The following OBSL1 variants were observed in gnomAD, a reference collection of about 807,000 sequenced individuals.
The protein encoded by OBSL1 is obscurin-like protein 1.
In OBSL1, 160 loss-of-function variants were observed where a neutral mutation model predicts 172.0. The ratio of observed to expected loss-of-function variants is 0.93; its 90% CI spans 0.82 to 1.06. The LOEUF (loss-of-function observed/expected upper bound fraction) is 1.06. Ranked by LOEUF, OBSL1 falls within the 50% of genes least tolerant of loss-of-function variation. The probability of loss-of-function intolerance (pLI) is 0.00; values close to 1 mark genes in which losing one functional copy is unlikely to be tolerated. For synonymous variants in OBSL1, 1,200 were observed against 1,196.3 expected, an observed-to-expected ratio of 1.00 and a Z score of -0.06; for missense variants, 2,681 against 2,715.4, an observed-to-expected ratio of 0.99 and a Z score of 0.28.
intron 7 of OBSL1, 107 bp from the exon 8 acceptor site, chr2:219,562,781 GGACCTTCCTGA>G: frequency 8.0e-7 from 1 of 1,251,010 alleles, no homozygotes; most frequent in South Asian, 1.5e-5. Flanking sequence ...TGTTGAAGAG[GGACCTTCCTGA>G]GACCAAATCT....
rs886246348 is a variant in OBSL1 at position 219,571,303 on chromosome 2, C to T, written c.-71G>A. ...GGGGGTGCGGAGGGCGAGCCGAGGC[C>T]CGGGGCGGCGGGGTCGGGGCGCGGC... On this transcript the variant is annotated 5_prime_UTR_variant, in exon 1 of 21. Transcript: ENST00000404537. 4 of 905,876 alleles carry T rather than the reference C, an allele frequency of 4.4e-6. No individual in the cohort carries two copies. The highest frequency in any genetic ancestry group is 5.8e-6 in the Non-Finnish European group (4 of 690,938). 56.1% of individuals were successfully genotyped at this position (905,876 alleles called of 1,614,324 possible). A position where few individuals can be genotyped will look rare whatever the true frequency, so the allele number is the denominator to read the frequency against.
rs1696018120 is a variant in OBSL1, at chr2:219,556,513, G to A, written c.4277C>T (p.Ala1426Val). ...LTLRGCQLGD[A>V]GTVTLRAGST... ...CCCTGCCCGCAAAGTCACGGTCCCT[G>A]CATCCCCCAGTTGGCAGCCTCGCAA... The change falls in exon 13 of 21, where the codon GCA (alanine) becomes GTA (valine). Residue 1426 changes from alanine (A) to valine (V), a missense_variant. Around this residue, in one of 5 missense-constraint regions of OBSL1, gnomAD observed 1,765 missense variants for 1,748.3 expected, o/e 1.01. Transcript: ENST00000404537. 1 of 1,613,796 alleles carries A rather than the reference G, an allele frequency of 6.2e-7. No individual in the cohort carries two copies. Among genetic ancestry groups the A allele is most frequent in the Admixed American group, 1.7e-5 (1 of 60,006 alleles).
chr2:219,556,326 G>A, intron 13 of OBSL1, 34 bp from the exon 14 acceptor site: 1 of 1,568,940 alleles, frequency 6.4e-7, no homozygotes, highest in East Asian at 2.2e-5. Flanking sequence ...GGAGTCTGGT[G>A]GGGTTGGAGG....
At position 219,556,086 on chromosome 2, in the gene OBSL1, CCAG is replaced by C. The variant is rs751814942; in HGVS notation, c.4540_4542del (p.Leu1514del). 1 of 1,613,894 alleles carries C rather than the reference CCAG, an allele frequency of 6.2e-7. No homozygotes were observed. Among genetic ancestry groups the C allele is most frequent in the Admixed American group, 1.7e-5 (1 of 60,030 alleles). ...TCGCAGCCGTAGGTGCCCTGGTCGGCCAGTATGACACCATGGATGAAGAGGCGG... is the reference window on the plus strand; with the variant it reads ...TCGCAGCCGTAGGTGCCCTGGTCGGCTATGACACCATGGATGAAGAGGCGG... On this transcript the variant is annotated inframe_deletion, in exon 14 of 21. Transcript: ENST00000404537.
chr2:219,551,878 AG>A (rs1695636410), intron 19 of OBSL1, 80 bp from the exon 20 acceptor site: 13 of 950,312 alleles, frequency 1.4e-5, no homozygotes, highest in Middle Eastern at 5.0e-4. Flanking sequence ...CCCTCCCTGA[AG>A]TCTCCACTCC....
At chr2:219,547,654 C>G, downstream of OBSL1, 2 of 1,534,890 alleles carry the variant, frequency 1.3e-6, no homozygotes, top group Non-Finnish European at 1.8e-6. Context: ...TCGGGCTGCT[C>G]TGCGGGCTGG....
chr2:219,555,626 T>C, intron 14 of OBSL1: 1 of 1,026,466 alleles, frequency 9.7e-7, no homozygotes, highest in Non-Finnish European at 1.2e-6. Flanking sequence ...TTAACTTGCA[T>C]GAGGTCACAT....
At position 219,571,134 on chromosome 2, in the gene OBSL1, G is replaced by C. The variant is rs747205623; in HGVS notation, c.99C>G (p.Cys33Trp). 6.7e-7 allele frequency: 1 copy of C among 1,483,954 alleles called. No individual in the cohort carries two copies. The highest frequency in any genetic ancestry group is 1.4e-5 in the African/African-American group (1 of 69,180). The allele number at this position is 1,483,954 out of a possible 1,614,324, so 91.9% of individuals were successfully genotyped here. A position where few individuals can be genotyped will look rare whatever the true frequency, so the allele number is the denominator to read the frequency against. Residue 33 changes from cysteine to tryptophan, a missense_variant, in exon 1 of 21, where the codon TGC becomes TGG. Cys to Trp is a radical substitution (Grantham distance 215). Around this residue, in one of 5 missense-constraint regions of OBSL1, gnomAD observed 90 missense variants for 76.6 expected, o/e 1.18. Coordinates refer to ENST00000404537, the MANE Select transcript of OBSL1 (RefSeq NM_015311.3). ...CAGGCGGCGGCTCCCCCAGGACCACGCACTTGAGCTCGGCCTCGGCGCCAC... is the reference window on the plus strand; with the variant it reads ...CAGGCGGCGGCTCCCCCAGGACCACCCACTTGAGCTCGGCCTCGGCGCCAC... ...VVSGAEAELK[C>W]VVLGEPPPVV...
chr2:219,571,236 GGCGGCCGACCGCCTGC>G lies in OBSL1; in HGVS notation c.-20_-5del. 1 of 1,316,542 alleles carries G rather than the reference GGCGGCCGACCGCCTGC, an allele frequency of 7.6e-7. No individual in the cohort carries two copies. The allele number at this position is 1,316,542 out of a possible 1,614,324, so 81.6% of individuals were successfully genotyped here. A position where few individuals can be genotyped will look rare whatever the true frequency, so the allele number is the denominator to read the frequency against. Reference sequence around the variant, plus strand: ...GATCCCCCGAGCTCGCCTTCATCGCGGCGGCCGACCGCCTGCAGCGGCGAACGGTGGGGGGGCAGGG... The same window carrying G: ...GATCCCCCGAGCTCGCCTTCATCGCGAGCGGCGAACGGTGGGGGGGCAGGG... On this transcript the variant is annotated 5_prime_UTR_variant, in exon 1 of 21. Transcript: ENST00000404537.
chr2:219,548,117 G>A, downstream of OBSL1: 4 of 1,477,380 alleles, frequency 2.7e-6, no homozygotes, highest in South Asian at 5.4e-5. Flanking sequence ...CATGAGAGGA[G>A]TGGGTGGCCA....
downstream of OBSL1, chr2:219,549,003 C>A: frequency 2.5e-6 from 2 of 786,166 alleles, no homozygotes; most frequent in South Asian, 1.7e-5. Context: ...AGGTAGGAGA[C>A]CAGGAAAGGA....
intron 9 of OBSL1, 139 bp from the exon 10 acceptor site, chr2:219,558,598 G>C (rs1218832061): frequency 2.9e-6 from 3 of 1,052,524 alleles, no homozygotes; most frequent in Non-Finnish European, 4.0e-6. Context: ...AGCAGCTGCT[G>C]TGTGCCAGGC....
chr2:219,567,227 G>C, intron 4 of OBSL1, 46 bp downstream of exon 4: 1 of 1,564,644 alleles, frequency 6.4e-7, no homozygotes, highest in Non-Finnish European at 8.7e-7. Flanking sequence ...CTGAGGGCTG[G>C]GGAAGGGAGG....
rs1695732706 is a variant in OBSL1, at chr2:219,552,815, C to T, written c.5146+53G>A. ...CATCAGGGTCCGGGGAAGACAGCTCCGCAAGTCTCGCGCCCAAAGCAGTGC... is the reference window on the plus strand; with the variant it reads ...CATCAGGGTCCGGGGAAGACAGCTCTGCAAGTCTCGCGCCCAAAGCAGTGC... On this transcript the variant is annotated intron_variant, in intron 17 of 20. Coordinates refer to ENST00000404537, the MANE Select transcript of OBSL1 (RefSeq NM_015311.3). 2.6e-6 allele frequency: 4 copies of T among 1,534,370 alleles called. No individual in the cohort carries two copies. The African/African-American group carries it at 4.2e-5, about 16-fold the overall frequency.
intron 8 of OBSL1, chr2:219,561,991 C>G: frequency 1.4e-6 from 1 of 717,608 alleles, no homozygotes; most frequent in Non-Finnish European, 2.6e-6. Context: ...TTTGAACTGT[C>G]CTGACTTTGG....
At chr2:219,557,032 T>G in intron 12 of OBSL1, 1 of 478,482 alleles carries the variant, frequency 2.1e-6, no homozygotes, top group Non-Finnish European at 3.6e-6. Context: ...CTATCCCCTC[T>G]TTTCAGAGCC....
Position 219,550,802 on chromosome 2 carries a change from C to T in OBSL1, c.*33G>A, listed in dbSNP as rs1370630768. The T allele has an allele frequency of 1.9e-6, 3 of 1,608,488 alleles. No homozygotes were observed. Among genetic ancestry groups the T allele is most frequent in the East Asian group, 4.5e-5 (2 of 44,712 alleles). Reference sequence around the variant, plus strand: ...TAAGGGCAAACGCCTTCCAAGCTGTCCAAGGGCACCCGCCTGGCCTGGTTA... The same window carrying T: ...TAAGGGCAAACGCCTTCCAAGCTGTTCAAGGGCACCCGCCTGGCCTGGTTA... On this transcript the variant is annotated 3_prime_UTR_variant, in exon 21 of 21. Transcript: ENST00000404537.
In OBSL1 at chr2:219,552,545, G is replaced by C; in HGVS notation, c.5299C>G (p.Arg1767Gly). Residue 1767 changes from arginine (R) to glycine (G), a missense_variant, in exon 18 of 21, where the codon CGA (arginine) becomes GGA (glycine). Arg to Gly is a moderately radical substitution (Grantham distance 125). This residue lies in a region of OBSL1 where 1,765 missense variants were observed against 1,748.3 expected (regional missense o/e 1.01). Transcript: ENST00000404537. ...PLRPGARVRIRQEGKKHILVL... is the reference protein window; with the variant it reads ...PLRPGARVRIGQEGKKHILVL... ...AACCAGGCGGGCAGACCTTCCTGTCGGATGCGGACGCGGGCTCCGGGTCTC... is the reference window on the plus strand; with the variant it reads ...AACCAGGCGGGCAGACCTTCCTGTCCGATGCGGACGCGGGCTCCGGGTCTC... 6.3e-7 allele frequency: 1 copy of C among 1,596,382 alleles called. No individual in the cohort carries two copies. The highest frequency in any genetic ancestry group is 1.1e-5 in the South Asian group (1 of 90,278).
At chr2:219,553,774 C>A (rs1292604960) in intron 15 of OBSL1, 88 bp from the exon 16 acceptor site, 2 of 862,730 alleles carry the variant, frequency 2.3e-6, no homozygotes, top group Non-Finnish European at 3.7e-6. Context: ...TTGGGCACAA[C>A]AGGCAGTAGA....
Sources: gnomAD v4.1 joint callset for allele counts on GRCh38, gnomAD v4.1.1 for gene constraint, gnomAD v4.1.1 regional missense constraint, MANE v1.5 for transcripts, NCBI Gene and HGNC (gene_info 2026-07-23, HGNC 2026-07-21) for gene names.